CEP250: variants seen among roughly 807,000 people sequenced by gnomAD.
CEP250 encodes the protein centrosome-associated protein CEP250.
Under a neutral mutation model 315.7 loss-of-function variants are expected in CEP250, and 242 were observed. That is an observed-to-expected ratio of 0.77 (90% CI 0.69 to 0.85). The LOEUF is 0.85. Among genes scored for constraint, CEP250 ranks in the 40% least tolerant of loss-of-function variants. The pLI, the probability that CEP250 is intolerant of heterozygous loss-of-function variation, is 0.00. For missense variants in CEP250, 2,515 were observed against 2,886.4 expected (o/e 0.87, Z 2.95); for synonymous variants, 1,088 against 1,175.0 (o/e 0.93, Z 1.51).
chr20:35,466,216 G>C lies in CEP250; in HGVS notation c.492+12G>C, dbSNP rs756657396. On this transcript the variant is annotated intron_variant, in intron 7 of 34. Coordinates refer to ENST00000397527, the MANE Select transcript of CEP250 (RefSeq NM_007186.6). The stretch of plus-strand genomic sequence containing the variant: ...AGATGGAGCAGGAGGTAGGAAGAAC[G>C]GGGACTGGAACTGTGAGAGGAAGCC... 1.9e-6 allele frequency: 3 copies of C among 1,570,876 alleles called. No individual in the cohort carries two copies. The highest frequency in any genetic ancestry group is 1.1e-5 in the South Asian group (1 of 87,228).
intron 16 of CEP250, 148 bp downstream of exon 16, chr20:35,476,743 A>C: frequency 1.6e-6 from 1 of 628,910 alleles, no homozygotes; most frequent in Non-Finnish European, 2.6e-6. Flanking sequence ...GGGCTTAGCC[A>C]TTATAAATAT....
intron 20 of CEP250, among the ~76,000 whole-genome samples, chr20:35,480,538 G>A (rs1394137033): frequency 6.8e-6 from 1 of 147,148 alleles, no homozygotes; most frequent in African/African-American, 2.5e-5. Context: ...GGTTTTAGGT[G>A]TATTTGGATT....
chr20:35,508,290 T>A lies in CEP250; in HGVS notation c.6906+100T>A, dbSNP rs2064252951. 6.3e-6 allele frequency: 8 copies of A among 1,268,342 alleles called. No homozygotes were observed. In the Admixed American group the frequency reaches 6.5e-5, roughly 10 times the overall value. 78.6% of individuals were successfully genotyped at this position (1,268,342 alleles called of 1,614,324 possible). A position where few individuals can be genotyped will look rare whatever the true frequency, so the allele number is the denominator to read the frequency against. ...TACAGCCTGTGGGCCAAATCCAGCC[T>A]GCTGCCTGTTTCTGAAAATTAAGTT... is the stretch of plus-strand genomic sequence containing the variant. On this transcript the variant is annotated intron_variant, in intron 32 of 34. Transcript: ENST00000397527.
chr20:35,464,231 T>C (rs926216892), intron 5 of CEP250, among the ~76,000 whole-genome samples: 1 of 152,216 alleles, frequency 6.6e-6, no homozygotes, highest in Non-Finnish European at 1.5e-5. Context: ...CCTTGGGTTA[T>C]GATGGGGTTA....
chr20:35,463,130 C>T (rs1055931917), intron 4 of CEP250, among the ~76,000 whole-genome samples: 3 of 152,204 alleles, frequency 2.0e-5, no homozygotes, highest in African/African-American at 7.2e-5. Context: ...AGGCCAGGCA[C>T]GGTGGCCCAT....
chr20:35,473,628 C>A lies in CEP250; in HGVS notation c.1388+76C>A, dbSNP rs186638278. On this transcript the variant is annotated intron_variant, in intron 13 of 34. Transcript: ENST00000397527. ...GTCACCATCCAGCCATTTACCCACT[C>A]CCATCAGGTTTTTGGGGTGCTGATC... 446 of 1,429,684 alleles carry A rather than the reference C, an allele frequency of 3.1e-4. 3 individuals carry two copies. In the African/African-American group the frequency reaches 5.7e-3, roughly 18 times the overall value. 88.6% of individuals were successfully genotyped at this position (1,429,684 alleles called of 1,614,324 possible).
intron 20 of CEP250, among the ~76,000 whole-genome samples, chr20:35,484,371 T>G (rs939408312): frequency 6.6e-6 from 1 of 152,162 alleles, no homozygotes; most frequent in Non-Finnish European, 1.5e-5. Context: ...TGACCCACAG[T>G]CAGGCCCAGA....
chr20:35,474,183 C>A, intron 14 of CEP250, 131 bp downstream of exon 14: 1 of 733,246 alleles, frequency 1.4e-6, no homozygotes, highest in Non-Finnish European at 2.1e-6. Flanking sequence ...GATTAGCTTG[C>A]TGCTTCTTCC....
Position 35,498,620 on chromosome 20 carries a change from T to G in CEP250, c.3681T>G (p.Phe1227Leu). The change falls in exon 27 of 35, where the codon TTT becomes TTG. Residue 1227 changes from phenylalanine (F) to leucine (L), a missense_variant. Transcript: ENST00000397527. ...EPDQNGARSL[F>L]KRGPLLTALS... ...ACCAGAATGGAGCTAGGAGCCTCTT[T>G]AAGAGAGGGCCCCTGCTGACTGCTC... 1 of 1,604,156 alleles carries G rather than the reference T, an allele frequency of 6.2e-7. No individual in the cohort carries two copies. The highest frequency in any genetic ancestry group is 1.3e-5 in the African/African-American group (1 of 74,160).
At chr20:35,499,140 C>T (rs761037217) in intron 27 of CEP250, among the ~76,000 whole-genome samples, 16 of 151,990 alleles carry the variant, frequency 1.1e-4, no homozygotes, top group Non-Finnish European at 2.2e-4. Flanking sequence ...CCAGAGGTGG[C>T]GGTGGGCACC....
chr20:35,456,542 CT>C (rs2062630795), intron 1 of CEP250, among the ~76,000 whole-genome samples: 1 of 152,200 alleles, frequency 6.6e-6, no homozygotes. Context: ...CCCTCTGTTC[CT>C]TTAGTTCTTC....
intron 34 of CEP250, among the ~76,000 whole-genome samples, chr20:35,511,137 G>A (rs934662808): frequency 6.6e-5 from 10 of 152,160 alleles, no homozygotes; most frequent in South Asian, 4.1e-4. Context: ...TTTCAAGCGC[G>A]CTATTTGAGT....
At chr20:35,459,779 A>AAAT (rs1197677364) in intron 2 of CEP250, among the ~76,000 whole-genome samples, 1 of 152,000 alleles carries the variant, frequency 6.6e-6, no homozygotes, top group Non-Finnish European at 1.5e-5. Flanking sequence ...CTTTCTCTAA[A>AAAT]AATAATAATA....
intron 22 of CEP250, among the ~76,000 whole-genome samples, chr20:35,492,009 C>T (rs1389860825): frequency 1.3e-5 from 2 of 150,658 alleles, no homozygotes; most frequent in Admixed American, 1.3e-4. Context: ...AATGAGCAGA[C>T]ACAAAGTAAA....
intron 9 of CEP250, 107 bp downstream of exon 9, chr20:35,467,662 G>C (rs142203877): frequency 5.3e-6 from 7 of 1,308,648 alleles, no homozygotes; most frequent in Middle Eastern, 2.8e-4. Context: ...TACCATGGAG[G>C]GGGAGAAGAT....
At chr20:35,472,619 A>G (rs1339960413) in intron 11 of CEP250, 54 bp from the exon 12 acceptor site, 1 of 1,587,436 alleles carries the variant, frequency 6.3e-7, no homozygotes, top group South Asian at 1.1e-5. Context: ...AAGTCCCTCT[A>G]TAGACTCTAG....
intron 1 of CEP250, among the ~76,000 whole-genome samples, chr20:35,457,440 T>C (rs1245783014): frequency 6.6e-6 from 1 of 152,104 alleles, no homozygotes; most frequent in Non-Finnish European, 1.5e-5. Flanking sequence ...CACAGCTCAC[T>C]GCAGCCTCGA....
At chr20:35,501,749 T>A in intron 28 of CEP250, 96 bp from the exon 29 acceptor site, 7 of 1,367,332 alleles carry the variant, frequency 5.1e-6, no homozygotes, top group Non-Finnish European at 6.9e-6. Context: ...TCCCTTTGAA[T>A]CTGTTCCCCA....
In CEP250 at chr20:35,491,101, C is replaced by T. The variant is rs1284901123; in HGVS notation, c.2755-111C>T. 6 of 1,341,274 alleles carry T rather than the reference C, an allele frequency of 4.5e-6. No homozygotes were observed. The East Asian group carries it at 1.3e-4, about 28-fold the overall frequency. 83.1% of individuals were successfully genotyped at this position (1,341,274 alleles called of 1,614,324 possible). Reference sequence around the variant, plus strand: ...GCTCAGACCTTCCTTTGCCCTCAGCCCCTTCCCATTTGCTAGGAGAGCCCT... The same window carrying T: ...GCTCAGACCTTCCTTTGCCCTCAGCTCCTTCCCATTTGCTAGGAGAGCCCT... On this transcript the variant is annotated intron_variant, in intron 21 of 34. Transcript: ENST00000397527.
Sources: allele counts gnomAD v4.1 joint callset (sites outside exome capture counted in the v4.1 genomes callset), GRCh38; gene constraint gnomAD v4.1.1; transcripts MANE v1.5; gene names NCBI Gene and HGNC (gene_info 2026-07-23, HGNC 2026-07-21).